The following CRACR2A variants were observed in gnomAD, a reference collection of about 807,000 sequenced individuals.
CRACR2A encodes the protein calcium release activated channel regulator 2A.
Under a neutral mutation model 90.5 loss-of-function variants are expected in CRACR2A, and 79 were observed. The ratio of observed to expected loss-of-function variants is 0.87; its 90% CI spans 0.73 to 1.05. The LOEUF (loss-of-function observed/expected upper bound fraction) is 1.05, where lower values mean the gene tolerates loss of function less well. Among genes scored for constraint, CRACR2A ranks in the 50% least tolerant of loss-of-function variants. The probability of loss-of-function intolerance (pLI) is 0.00; values close to 1 mark genes in which losing one functional copy is unlikely to be tolerated. For synonymous variants in CRACR2A, 338 were observed against 356.7 expected (o/e 0.95, Z 0.59); for missense variants, 823 against 897.2 (o/e 0.92, Z 1.06).
intron 2 of CRACR2A, among the ~76,000 whole-genome samples, chr12:3,720,592 A>G (rs1299536803): frequency 6.6e-6 from 1 of 152,214 alleles, no homozygotes; most frequent in Non-Finnish European, 1.5e-5. Context: ...ATCCCTCACA[A>G]CATTCTCTCT....
In CRACR2A at chr12:3,704,243, C is replaced by T. The variant is rs550148244; in HGVS notation, c.-36-7208G>A. Among the ~76,000 whole-genome samples the T allele has an allele frequency of 3.8e-4, 58 of 152,280 alleles. No individual in the cohort carries two copies. The South Asian group carries it at 6.8e-3, about 18-fold the overall frequency. On this transcript the variant is annotated intron_variant, in intron 3 of 19. Coordinates refer to ENST00000440314, the MANE Select transcript of CRACR2A (RefSeq NM_001144958.2). ...AAGGGAATGAACTGTTGATCCAAAG[C>T]ACCAAAATGAACAAATCTCAAAATA...
At chr12:3,703,668 A>G (rs1721028001) in intron 3 of CRACR2A, among the ~76,000 whole-genome samples, 1 of 152,254 alleles carries the variant, frequency 6.6e-6, no homozygotes, top group Non-Finnish European at 1.5e-5. Flanking sequence ...TTTACAAAAC[A>G]CATATCTAAT....
intron 17 of CRACR2A, 26 bp downstream of exon 17, chr12:3,627,410 T>C: frequency 6.6e-7 from 1 of 1,517,498 alleles, no homozygotes; most frequent in Non-Finnish European, 9.0e-7. Flanking sequence ...CAAGCCTAAA[T>C]GCTCCTAGGA....
At chr12:3,719,398 C>A (rs1442868242) in intron 2 of CRACR2A, among the ~76,000 whole-genome samples, 1 of 152,214 alleles carries the variant, frequency 6.6e-6, no homozygotes, top group African/African-American at 2.4e-5. Flanking sequence ...CATTTCATTT[C>A]TTTCTAATGG....
At chr12:3,703,234 G>A (rs186945065) in intron 3 of CRACR2A, among the ~76,000 whole-genome samples, 9 of 152,172 alleles carry the variant, frequency 5.9e-5, no homozygotes, top group East Asian at 1.9e-4. Context: ...GACTACAGGC[G>A]CCCGCCACCA....
At chr12:3,649,238 AG>A (rs1944752185) in intron 10 of CRACR2A, among the ~76,000 whole-genome samples, 1 of 145,168 alleles carries the variant, frequency 6.9e-6, no homozygotes, top group Admixed American at 7.3e-5. Flanking sequence ...AACAATAATA[AG>A]ATAAATAAAT....
In CRACR2A at chr12:3,619,312, C is replaced by T. The variant is rs1755411331; in HGVS notation, c.1993G>A (p.Glu665Lys). ...CCGAGGCCCCGGGGGACTTCCCGCT[C>T]CTTCTCGTTGTCAAGCTTATTACCC... ...LLGNKLDNEKEREVPRGLGEQ... is the reference protein window; with the variant it reads ...LLGNKLDNEKKREVPRGLGEQ... Residue 665 changes from glutamate to lysine, a missense_variant, in exon 18 of 20, where the codon GAG becomes AAG. Coordinates refer to ENST00000440314, the MANE Select transcript of CRACR2A (RefSeq NM_001144958.2). 1.3e-6 allele frequency: 2 copies of T among 1,551,698 alleles called. No homozygotes were observed. Among genetic ancestry groups the T allele is most frequent in the South Asian group, 1.2e-5 (1 of 84,062 alleles).
chr12:3,710,706 T>A lies in CRACR2A; in HGVS notation c.-37+2531A>T, dbSNP rs375829877. ...TACTCGGGAGGCTGAGGCAGGAGAA[T>A]CGCTTGAACCCAGGAGGCGGAGGTT... On this transcript the variant is annotated intron_variant, in intron 3 of 19. Transcript: ENST00000440314. Among the ~76,000 whole-genome samples the A allele has an allele frequency of 1.7e-3, 254 of 150,998 alleles. 2 individuals carry two copies. The highest frequency in any genetic ancestry group is 6.0e-3 in the African/African-American group (247 of 41,100).
At chr12:3,727,884 A>AAAAAT (rs1226900771) in intron 2 of CRACR2A, 1 of 152,202 alleles carries the variant, frequency 6.6e-6, no homozygotes, top group African/African-American at 2.4e-5. Context: ...AATCTAAAAA[A>AAAAAT]AAAATAAAAT....
intron 18 of CRACR2A, among the ~76,000 whole-genome samples, chr12:3,618,252 T>C (rs1867734044): frequency 6.6e-6 from 1 of 152,136 alleles, no homozygotes. Flanking sequence ...TTCTGAATCT[T>C]AGAAAGGTAA....
rs143325471 is a variant in CRACR2A, at chr12:3,679,483, C to A, written c.341-385G>T. ...CAGAGGCTCCTATTGTCATCCTAGT[C>A]ATCCTCCCGCTAGCATCACTAGACT... On this transcript the variant is annotated intron_variant, in intron 5 of 19. Transcript: ENST00000440314. 1.9e-3 allele frequency among the ~76,000 whole-genome samples: 294 copies of A among 152,304 alleles called. 1 individual carries two copies. Among genetic ancestry groups the A allele is most frequent in the African/African-American group, 7.0e-3 (290 of 41,566 alleles).
intron 7 of CRACR2A, among the ~76,000 whole-genome samples, chr12:3,668,796 G>A (rs1042920183): frequency 3.3e-5 from 5 of 152,336 alleles, no homozygotes; most frequent in Admixed American, 6.5e-5. Context: ...ACCATGGACC[G>A]GAAGTGGCTC....
rs1231617169 is a variant in CRACR2A at position 3,633,605 on chromosome 12, C to T, written c.1734G>A (p.Val578=). 5 of 1,551,692 alleles carry T rather than the reference C, an allele frequency of 3.2e-6. No homozygotes were observed. The highest frequency in any genetic ancestry group is 2.6e-6 in the Non-Finnish European group (3 of 1,146,990). ...DRFSPGMAAT[V]GIDYRVKTLN... is the part of the protein sequence containing the mutation. ...CCCACCTCAGGGATGAGAACTCACC[C>T]ACAGTGGCCGCCATGCCTGGGGAGA... The change falls in exon 15 of 20, where the codon GTG becomes GTA. Residue 578 remains valine, a splice_region_variant and synonymous_variant. Coordinates refer to ENST00000440314, the MANE Select transcript of CRACR2A (RefSeq NM_001144958.2). The surrounding 1 kb of genome is among the most constrained non-coding windows in gnomAD (Gnocchi z 4.5).
chr12:3,695,076 T>C (rs1945716054), intron 4 of CRACR2A, among the ~76,000 whole-genome samples: 2 of 152,132 alleles, frequency 1.3e-5, no homozygotes, highest in Admixed American at 6.5e-5. Context: ...CATTAAAGAG[T>C]GGAGCTCAAT....
intron 4 of CRACR2A, 72 bp downstream of exon 4, chr12:3,696,700 G>A: frequency 1.7e-5 from 27 of 1,599,898 alleles, no homozygotes; most frequent in Non-Finnish European, 2.3e-5. Flanking sequence ...CCTCCCACGG[G>A]GCAAGCTCTA....
At chr12:3,707,485 A>C (rs1380177239) in intron 3 of CRACR2A, among the ~76,000 whole-genome samples, 1 of 152,246 alleles carries the variant, frequency 6.6e-6, no homozygotes, top group African/African-American at 2.4e-5. Flanking sequence ...TTTGAAGATA[A>C]AAGGCATTTT....
chr12:3,658,857 C>T (rs1944967874), intron 8 of CRACR2A, among the ~76,000 whole-genome samples: 1 of 151,554 alleles, frequency 6.6e-6, no homozygotes, highest in African/African-American at 2.4e-5. Flanking sequence ...AACATGTTTC[C>T]AGAAGGATCC....
intron 4 of CRACR2A, among the ~76,000 whole-genome samples, chr12:3,684,020 C>A (rs1244813834): frequency 6.6e-6 from 1 of 152,194 alleles, no homozygotes; most frequent in Non-Finnish European, 1.5e-5. Context: ...AAAGTGATGT[C>A]TTTTGTTGCA....
intron 2 of CRACR2A, chr12:3,731,649 G>A (rs1021125462): frequency 1.3e-5 from 2 of 152,252 alleles, no homozygotes; most frequent in Admixed American, 6.5e-5. Context: ...CCACATTGAA[G>A]TCCTAACCCC....
Sources: gnomAD v4.1 joint callset for allele counts (sites outside exome capture counted in the v4.1 genomes callset) on GRCh38, gnomAD v4.1.1 for gene constraint, Gnocchi (gnomAD v3.1) non-coding constraint, MANE v1.5 for transcripts, NCBI Gene and HGNC (gene_info 2026-07-23, HGNC 2026-07-21) for gene names.